Variants in MAGI2 observed in about 807,000 individuals in gnomAD.
The protein encoded by MAGI2 is membrane-associated guanylate kinase, WW and PDZ domain-containing protein 2.
Under a neutral mutation model 133.3 loss-of-function variants are expected in MAGI2, and 35 were observed. That is an observed-to-expected ratio of 0.26 (90% confidence interval 0.20 to 0.35). MAGI2 has a LOEUF of 0.35. Among genes scored for constraint, MAGI2 ranks in the 10% least tolerant of loss-of-function variants. The pLI, the probability that MAGI2 is intolerant of heterozygous loss-of-function variation, is 1.00. For missense variants in MAGI2, 1,636 were observed against 1,863.4 expected, an observed-to-expected ratio of 0.88 and a Z score of 2.25; for synonymous variants, 729 against 710.6, an observed-to-expected ratio of 1.03 and a Z score of -0.41.
At chr7:78,780,035 A>G (rs750318094) in intron 2 of MAGI2, among the ~76,000 whole-genome samples, 3 of 152,362 alleles carry the variant, frequency 2.0e-5, no homozygotes, top group Middle Eastern at 3.4e-3. Flanking sequence ...TCAAACCCTT[A>G]ATTAAATGAC....
chr7:78,318,426 A>C (rs560625815), intron 9 of MAGI2, among the ~76,000 whole-genome samples: 19 of 152,332 alleles, frequency 1.2e-4, no homozygotes, highest in African/African-American at 4.3e-4. Flanking sequence ...ATTAGAGAAA[A>C]AAGAACGAAA....
At chr7:78,279,894 A>C (rs979045122) in intron 9 of MAGI2, among the ~76,000 whole-genome samples, 1 of 152,168 alleles carries the variant, frequency 6.6e-6, no homozygotes, top group Non-Finnish European at 1.5e-5. Context: ...TTGAAAACTG[A>C]AAAGTGTAAG....
At chr7:78,271,066 C>A (rs548700774) in intron 9 of MAGI2, among the ~76,000 whole-genome samples, 53 of 152,158 alleles carry the variant, frequency 3.5e-4, no homozygotes, top group Admixed American at 9.2e-4. Context: ...GGAATGCTTA[C>A]AGTTTTTTCC....
intron 9 of MAGI2, among the ~76,000 whole-genome samples, chr7:78,276,534 C>T (rs1248107123): frequency 6.6e-6 from 1 of 151,548 alleles, no homozygotes; most frequent in Non-Finnish European, 1.5e-5. Flanking sequence ...AAGTATTTTT[C>T]TTTGTTCAGT....
At chr7:78,548,650 G>C (rs1030262845) in intron 3 of MAGI2, among the ~76,000 whole-genome samples, 2 of 152,162 alleles carry the variant, frequency 1.3e-5, no homozygotes, top group African/African-American at 4.8e-5. Flanking sequence ...AGCTGAGATT[G>C]TATCACTGAA....
At chr7:78,664,512 A>C (rs1047095656) in intron 2 of MAGI2, among the ~76,000 whole-genome samples, 1 of 151,960 alleles carries the variant, frequency 6.6e-6, no homozygotes, top group Non-Finnish European at 1.5e-5. Flanking sequence ...TTCATAGATA[A>C]TTTTAAGATA....
At chr7:78,649,044 G>T (rs866582944) in intron 2 of MAGI2, among the ~76,000 whole-genome samples, 12 of 151,814 alleles carry the variant, frequency 7.9e-5, no homozygotes, top group Middle Eastern at 3.4e-3. Flanking sequence ...CACCAATGTG[G>T]TGATTAATTT....
At chr7:79,271,338 G>C (rs141893908) in intron 1 of MAGI2, among the ~76,000 whole-genome samples, 1 of 151,972 alleles carries the variant, frequency 6.6e-6, no homozygotes, top group Admixed American at 6.6e-5. Context: ...AGCATTTTAC[G>C]TCTAGCACTT....
intron 6 of MAGI2, among the ~76,000 whole-genome samples, chr7:78,473,769 C>T (rs180780089): frequency 9.2e-5 from 14 of 152,136 alleles, no homozygotes; most frequent in Middle Eastern, 3.4e-3. Context: ...CTAAACACAA[C>T]ACCTCTTCAG....
chr7:78,596,669 A>G (rs1804642839), intron 3 of MAGI2, among the ~76,000 whole-genome samples: 1 of 151,808 alleles, frequency 6.6e-6, no homozygotes. Flanking sequence ...TTAAATACAA[A>G]CTCCAGGTGA....
At chr7:78,033,527 T>A (rs891936121) in intron 21 of MAGI2, among the ~76,000 whole-genome samples, 1 of 151,456 alleles carries the variant, frequency 6.6e-6, no homozygotes, top group Non-Finnish European at 1.5e-5. Flanking sequence ...TACAGGCTTG[T>A]GCAAGGCACT....
chr7:79,300,569 T>A (rs1837314421), intron 1 of MAGI2, among the ~76,000 whole-genome samples: 1 of 152,088 alleles, frequency 6.6e-6, no homozygotes, highest in Non-Finnish European at 1.5e-5. Flanking sequence ...AATTTGAAAT[T>A]TATATTTAAA....
At chr7:79,180,152 T>C (rs1826483284) in intron 1 of MAGI2, among the ~76,000 whole-genome samples, 1 of 151,912 alleles carries the variant, frequency 6.6e-6, no homozygotes, top group Non-Finnish European at 1.5e-5. Flanking sequence ...GAGCAACAGG[T>C]ATATGAAGAA....
At chr7:79,081,813 T>C (rs990932729) in intron 1 of MAGI2, among the ~76,000 whole-genome samples, 3 of 152,118 alleles carry the variant, frequency 2.0e-5, no homozygotes, top group Non-Finnish European at 4.4e-5. Context: ...AATGGAGCTT[T>C]CAGACATAGA....
intron 1 of MAGI2, among the ~76,000 whole-genome samples, chr7:79,421,098 C>T (rs548285208): frequency 9.2e-5 from 14 of 151,852 alleles, no homozygotes; most frequent in Admixed American, 6.6e-4. Context: ...CTTTGGGTAC[C>T]GTGGACTGTG....
At chr7:79,400,941 A>G (rs1453200633) in intron 1 of MAGI2, among the ~76,000 whole-genome samples, 3 of 152,130 alleles carry the variant, frequency 2.0e-5, no homozygotes, top group African/African-American at 7.2e-5. Flanking sequence ...TCAATATGAC[A>G]GATCTTGATT....
chr7:78,161,775 G>T (rs1012579916), intron 15 of MAGI2, among the ~76,000 whole-genome samples: 3 of 148,176 alleles, frequency 2.0e-5, no homozygotes, highest in Admixed American at 6.8e-5. Context: ...TGCAATTACA[G>T]AATGAATGAG....
chr7:79,392,182 A>G (rs1289752574), intron 1 of MAGI2, among the ~76,000 whole-genome samples: 1 of 152,086 alleles, frequency 6.6e-6, no homozygotes, highest in Non-Finnish European at 1.5e-5. Flanking sequence ...TGCAAAGGAC[A>G]TTATCTCATT....
intron 3 of MAGI2, among the ~76,000 whole-genome samples, chr7:78,594,758 C>G (rs1804420437): frequency 6.6e-6 from 1 of 151,996 alleles, no homozygotes; most frequent in South Asian, 2.1e-4. Flanking sequence ...GTCCGGCCAG[C>G]AAAGGAATTC....
Sources: allele counts gnomAD v4.1 joint callset (sites outside exome capture counted in the v4.1 genomes callset), GRCh38; gene constraint gnomAD v4.1.1; transcripts MANE v1.5; gene names NCBI Gene and HGNC (gene_info 2026-07-23, HGNC 2026-07-21).